The following MDM1 variants were observed in gnomAD, a reference collection of about 807,000 sequenced individuals.
The protein encoded by MDM1 is stabilizer of axonemal microtubules 6.
MDM1 carries 61 observed loss-of-function variants against 89.1 expected under a neutral mutation model. The observed-to-expected ratio is 0.68, with a 90% CI of 0.56 to 0.85. MDM1 has a LOEUF of 0.85. Ranked by LOEUF, MDM1 falls within the 40% of genes least tolerant of loss-of-function variation. The pLI is 0.00. For synonymous variants in MDM1, 290 were observed against 294.1 expected (o/e 0.99, Z 0.14); for missense variants, 820 against 846.5 (o/e 0.97, Z 0.39).
rs146121170 is a variant in MDM1 at position 68,313,720 on chromosome 12, G to T, written c.1563C>A (p.Gly521=). The change falls in exon 11 of 15, where the codon GGC becomes GGA. Residue 521 remains glycine, a synonymous_variant. Transcript: ENST00000682720. ...CTCTCAGCTTGGGAGTAGGAAGCCG[G>T]CCTCCTTTTTCTGAGGATACAGAAG... ...SDSSVSSEKG[G]RLPTPKLREL... 8.1e-6 allele frequency: 13 copies of T among 1,613,958 alleles called. No homozygotes were observed. The African/African-American group carries it at 1.5e-4, about 18-fold the overall frequency.
intron 12 of MDM1, among the ~76,000 whole-genome samples, chr12:68,311,049 C>G (rs895502635): frequency 1.3e-5 from 2 of 152,186 alleles, no homozygotes; most frequent in African/African-American, 4.8e-5. Context: ...CACCTCTGCA[C>G]TCTTCTCAAG....
At chr12:68,317,819 G>A (rs561232265) in intron 7 of MDM1, among the ~76,000 whole-genome samples, 1 of 152,218 alleles carries the variant, frequency 6.6e-6, no homozygotes, top group Non-Finnish European at 1.5e-5. Context: ...AAAGTGCCTC[G>A]ATATACTCCA....
At position 68,332,331 on chromosome 12, in the gene MDM1, G is replaced by C; in HGVS notation, c.-86C>G. 3 of 1,442,244 alleles carry C rather than the reference G, an allele frequency of 2.1e-6. No individual in the cohort carries two copies. The highest frequency in any genetic ancestry group is 2.8e-6 in the Non-Finnish European group (3 of 1,081,348). The allele number at this position is 1,442,244 out of a possible 1,614,324, so 89.3% of individuals were successfully genotyped here. A position where few individuals can be genotyped will look rare whatever the true frequency, so the allele number is the denominator to read the frequency against. On this transcript the variant is annotated 5_prime_UTR_variant, in exon 1 of 15. Transcript: ENST00000682720. ...GGCGGGGCGATAACAGTGTTCCCTA[G>C]CAAAGCCTCGGCCCGGCGTCCCCGA...
intron 1 of MDM1, chr12:68,331,870 A>C: frequency 3.7e-6 from 2 of 537,946 alleles, no homozygotes; most frequent in Non-Finnish European, 3.5e-6. Flanking sequence ...TTTTAAAGGT[A>C]ATGGGGGTTA....
At chr12:68,326,291 A>T in intron 3 of MDM1, 1 of 1,264,574 alleles carries the variant, frequency 7.9e-7, no homozygotes, top group Non-Finnish European at 1.0e-6. Context: ...AAGAAACTGA[A>T]AAGGGGCTAG....
At chr12:68,303,058 G>A (rs1039037890) in intron 12 of MDM1, among the ~76,000 whole-genome samples, 186 bp from the exon 13 acceptor site, 8 of 151,788 alleles carry the variant, frequency 5.3e-5, no homozygotes, top group South Asian at 2.1e-4. Flanking sequence ...AACAAAATAC[G>A]TAGACATTTT....
chr12:68,317,047 T>TTA (rs1555198981), intron 7 of MDM1, among the ~76,000 whole-genome samples: 8 of 151,388 alleles, frequency 5.3e-5, no homozygotes, highest in African/African-American at 1.5e-4. Flanking sequence ...TTTTTTTTTT[T>TTA]AAAAAAGTAC....
intron 12 of MDM1, among the ~76,000 whole-genome samples, chr12:68,305,983 G>C (rs1872827016): frequency 7.1e-6 from 1 of 140,066 alleles, no homozygotes; most frequent in Non-Finnish European, 1.5e-5. Context: ...AAAGAACAAA[G>C]CTGGAGGCAT....
chr12:68,332,054 A>C, intron 1 of MDM1, 174 bp downstream of exon 1: 8 of 787,182 alleles, frequency 1.0e-5, no homozygotes, highest in African/African-American at 1.7e-5. Flanking sequence ...CGGAGAGGGA[A>C]CTAGGTTAAG....
chr12:68,329,809 C>T (rs1395201892), intron 2 of MDM1, among the ~76,000 whole-genome samples: 5 of 152,144 alleles, frequency 3.3e-5, no homozygotes, highest in South Asian at 2.1e-4. Flanking sequence ...TATCACCCTC[C>T]GGGAAACTCT....
At chr12:68,295,920 A>G (rs1471773242) in intron 14 of MDM1, among the ~76,000 whole-genome samples, 1 of 152,204 alleles carries the variant, frequency 6.6e-6, no homozygotes, top group East Asian at 1.9e-4. Context: ...CTATTCTTCC[A>G]TTAGAAAGAA....
chr12:68,331,583 T>C (rs1286986995), intron 1 of MDM1, among the ~76,000 whole-genome samples: 1 of 152,180 alleles, frequency 6.6e-6, no homozygotes, highest in Non-Finnish European at 1.5e-5. Flanking sequence ...CACAATATTA[T>C]GTACCATGCC....
intron 12 of MDM1, among the ~76,000 whole-genome samples, chr12:68,310,971 A>C (rs1219670185): frequency 6.6e-6 from 1 of 152,090 alleles, no homozygotes; most frequent in Non-Finnish European, 1.5e-5. Flanking sequence ...TTTAAAACTA[A>C]TCCCCACAGG....
intron 6 of MDM1, 28 bp from the exon 7 acceptor site, chr12:68,321,474 T>C (rs374803112): frequency 2.7e-5 from 43 of 1,610,862 alleles, no homozygotes; most frequent in Non-Finnish European, 3.3e-5. Flanking sequence ...AAAGTAAATA[T>C]TTCACCATGT....
At chr12:68,321,866 GA>G (rs1353975691) in intron 5 of MDM1, among the ~76,000 whole-genome samples, 1 of 152,150 alleles carries the variant, frequency 6.6e-6, no homozygotes, top group African/African-American at 2.4e-5. Context: ...TAACAATAAA[GA>G]TTTTAGATCT....
At chr12:68,303,652 G>T (rs1872518954) in intron 12 of MDM1, among the ~76,000 whole-genome samples, 1 of 152,080 alleles carries the variant, frequency 6.6e-6, no homozygotes, top group Non-Finnish European at 1.5e-5. Flanking sequence ...AAAAACTGTG[G>T]TGTAACTATA....
At chr12:68,299,448 T>C (rs1356294036) in intron 13 of MDM1, among the ~76,000 whole-genome samples, 2 of 150,796 alleles carry the variant, frequency 1.3e-5, no homozygotes, top group Non-Finnish European at 3.0e-5. Flanking sequence ...ATAAAGAAAA[T>C]GCAATCAGAA....
intron 2 of MDM1, chr12:68,327,395 T>A: frequency 6.5e-7 from 1 of 1,535,486 alleles, no homozygotes; most frequent in Non-Finnish European, 8.7e-7. Flanking sequence ...CAATGGGCCC[T>A]GGTACTGTCA....
intron 2 of MDM1, among the ~76,000 whole-genome samples, chr12:68,329,927 C>G (rs1876546073): frequency 6.6e-6 from 1 of 152,192 alleles, no homozygotes; most frequent in Admixed American, 6.5e-5. Context: ...GATTTCAAAT[C>G]ATGGTTCTGC....
Sources: gnomAD v4.1 joint callset for allele counts (sites outside exome capture counted in the v4.1 genomes callset) on GRCh38, gnomAD v4.1.1 for gene constraint, MANE v1.5 for transcripts, NCBI Gene and HGNC (gene_info 2026-07-23, HGNC 2026-07-21) for gene names.